SLC6A5: variants seen among roughly 807,000 people sequenced by gnomAD.
SLC6A5 encodes sodium- and chloride-dependent glycine transporter 2.
SLC6A5 carries 58 observed loss-of-function variants against 90.5 expected under a neutral mutation model. The ratio of observed to expected loss-of-function variants is 0.64; its 90% CI spans 0.52 to 0.80. The LOEUF (loss-of-function observed/expected upper bound fraction) is 0.80, where lower values mean the gene tolerates loss of function less well. Among genes scored for constraint, SLC6A5 ranks in the 30% least tolerant of loss-of-function variants. The pLI, the probability that SLC6A5 is intolerant of heterozygous loss-of-function variation, is 0.00. For missense variants in SLC6A5, 1,015 were observed against 1,017.6 expected, an observed-to-expected ratio of 1.00 and a Z score of 0.03; for synonymous variants, 427 against 401.4, an observed-to-expected ratio of 1.06 and a Z score of -0.76.
chr11:20,635,078 G>A (rs1383612114), intron 10 of SLC6A5, among the ~76,000 whole-genome samples: 1 of 152,102 alleles, frequency 6.6e-6, no homozygotes, highest in Admixed American at 6.6e-5. Flanking sequence ...ACCACATGAA[G>A]TGTTCTAGAG....
rs149308421 is a variant in SLC6A5 at position 20,601,468 on chromosome 11, G to C, written c.343G>C (p.Gly115Arg). The change falls in exon 2 of 16, where the codon GGC becomes CGC. Residue 115 changes from glycine (G) to arginine (R), a missense_variant. Coordinates refer to ENST00000525748, the MANE Select transcript of SLC6A5 (RefSeq NM_004211.5). ...GCCCCCTCCCGGGAGCTCCGGGCCCGGCAACGCGCTGCACTGTAAGATCCC... is the reference window on the plus strand; with the variant it reads ...GCCCCCTCCCGGGAGCTCCGGGCCCCGCAACGCGCTGCACTGTAAGATCCC... ...ASPPPGSSGP[G>R]NALHCKIPFL... 5 of 1,611,450 alleles carry C rather than the reference G, an allele frequency of 3.1e-6. No homozygotes were observed. The highest frequency in any genetic ancestry group is 2.2e-5 in the East Asian group (1 of 44,768).
chr11:20,646,913 T>A lies in SLC6A5; in HGVS notation c.2049T>A (p.Phe683Leu). 1 of 1,612,328 alleles carries A rather than the reference T, an allele frequency of 6.2e-7. No homozygotes were observed. ...PNIFWKVCWA[F>L]VTPTILTFIL... is the part of the protein sequence containing the mutation. Reference sequence around the variant, plus strand: ...TCTTCTGGAAAGTCTGCTGGGCATTTGTAACCCCAACCATTTTAACCGTAA... The same window carrying A: ...TCTTCTGGAAAGTCTGCTGGGCATTAGTAACCCCAACCATTTTAACCGTAA... Residue 683 changes from phenylalanine to leucine, a missense_variant, in exon 14 of 16, where the codon TTT becomes TTA. Coordinates refer to ENST00000525748, the MANE Select transcript of SLC6A5 (RefSeq NM_004211.5).
intron 8 of SLC6A5, among the ~76,000 whole-genome samples, chr11:20,627,201 G>A (rs979867947): frequency 6.6e-6 from 1 of 152,112 alleles, no homozygotes; most frequent in African/African-American, 2.4e-5. Context: ...AACCACAAGC[G>A]ATTCTATTTT....
chr11:20,601,922 C>T (rs1255411586), intron 2 of SLC6A5, among the ~76,000 whole-genome samples: 1 of 152,226 alleles, frequency 6.6e-6, no homozygotes, highest in South Asian at 2.1e-4. Flanking sequence ...AGCGGGAATA[C>T]AGGTCCAGAT....
Position 20,630,677 on chromosome 11 carries a change from T to C in SLC6A5, c.1500-14T>C. 6.2e-7 allele frequency: 1 copy of C among 1,614,168 alleles called. No homozygotes were observed. Among genetic ancestry groups the C allele is most frequent in the East Asian group, 2.2e-5 (1 of 44,888 alleles). On this transcript the variant is annotated splice_polypyrimidine_tract_variant and intron_variant, in intron 9 of 15. Transcript: ENST00000525748. ...AAGCACACCTAATGGAAAACTCTGG[T>C]CTCTTCCTTCCAGGGACACTCTAAT...
At position 20,604,452 on chromosome 11, in the gene SLC6A5, C is replaced by T. The variant is rs372042383; in HGVS notation, c.679+28C>T. On this transcript the variant is annotated intron_variant, in intron 3 of 15. Transcript: ENST00000525748. ...ATGGCTTTTCCGCTCTTTCCGCCTG[C>T]GGCGGGGCGGGGCGGGCACCTGAGG... The T allele has an allele frequency of 6.5e-5, 103 of 1,586,368 alleles. No homozygotes were observed. In the African/African-American group the frequency reaches 1.2e-3, roughly 18 times the overall value.
At chr11:20,652,502 G>A (rs1853561197) in intron 15 of SLC6A5, 46 bp downstream of exon 15, 1 of 1,552,202 alleles carries the variant, frequency 6.4e-7, no homozygotes, top group Admixed American at 1.7e-5. Flanking sequence ...CCAAGGGAAA[G>A]CCCATAAAAG....
At chr11:20,624,669 G>A (rs1261894674) in intron 7 of SLC6A5, among the ~76,000 whole-genome samples, 1 of 152,166 alleles carries the variant, frequency 6.6e-6, no homozygotes, top group Non-Finnish European at 1.5e-5. Context: ...ACTGCATGTG[G>A]AAATGGAGGT....
chr11:20,616,649 G>A (rs1393005715), intron 6 of SLC6A5, among the ~76,000 whole-genome samples: 5 of 152,180 alleles, frequency 3.3e-5, no homozygotes, highest in Non-Finnish European at 7.3e-5. Context: ...GTTTTGCCGT[G>A]GAACCAAGTT....
rs546552269 is a variant in SLC6A5, at chr11:20,617,897, A to G, written c.1260+13A>G. 1.9e-6 allele frequency: 3 copies of G among 1,608,840 alleles called. No individual in the cohort carries two copies. Among genetic ancestry groups the G allele is most frequent in the South Asian group, 2.2e-5 (2 of 91,026 alleles). Reference sequence around the variant, plus strand: ...GACTTCAGGAAAAGTAAGCACTTGGATTTATCTAAGAGAAAGCTGTGAGAC... The same window carrying G: ...GACTTCAGGAAAAGTAAGCACTTGGGTTTATCTAAGAGAAAGCTGTGAGAC... On this transcript the variant is annotated intron_variant, in intron 7 of 15. Transcript: ENST00000525748.
intron 7 of SLC6A5, among the ~76,000 whole-genome samples, chr11:20,626,393 T>C (rs998301762): frequency 1.9e-4 from 29 of 151,990 alleles, no homozygotes; most frequent in African/African-American, 6.8e-4. Context: ...CCCTCCCTCC[T>C]TCTCTCTGTG....
At chr11:20,635,641 A>G (rs1003382577) in intron 10 of SLC6A5, among the ~76,000 whole-genome samples, 7 of 152,226 alleles carry the variant, frequency 4.6e-5, no homozygotes, top group Non-Finnish European at 1.0e-4. Flanking sequence ...AAACCTGCAC[A>G]TGCACCCCAG....
intron 13 of SLC6A5, among the ~76,000 whole-genome samples, chr11:20,646,491 G>A (rs922018336): frequency 9.2e-5 from 14 of 152,186 alleles, no homozygotes; most frequent in Non-Finnish European, 1.6e-4. Flanking sequence ...TTGTCACTAA[G>A]CACCTCAGAA....
intron 2 of SLC6A5, 42 bp downstream of exon 2, chr11:20,601,707 C>A: frequency 6.3e-7 from 1 of 1,575,684 alleles, no homozygotes; most frequent in South Asian, 1.1e-5. Flanking sequence ...TCCTGCTCTC[C>A]AGCTGCGCGA....
chr11:20,628,493 A>G (rs1472068337), intron 9 of SLC6A5, among the ~76,000 whole-genome samples: 4 of 152,206 alleles, frequency 2.6e-5, no homozygotes, highest in Non-Finnish European at 4.4e-5. Context: ...TATCAGTCAC[A>G]TTGGATCAGG....
chr11:20,648,693 G>T (rs2133821223), intron 14 of SLC6A5, among the ~76,000 whole-genome samples: 1 of 152,268 alleles, frequency 6.6e-6, no homozygotes, highest in Admixed American at 6.5e-5. Flanking sequence ...GTTTATGCTT[G>T]ATTAAAATCA....
At chr11:20,629,063 T>C (rs1245090735) in intron 9 of SLC6A5, 1 of 152,070 alleles carries the variant, frequency 6.6e-6, no homozygotes, top group Non-Finnish European at 1.5e-5. Context: ...CTCAAGGTCA[T>C]GCCACTAAAA....
At chr11:20,600,808 C>A (rs1021529781) in intron 1 of SLC6A5, among the ~76,000 whole-genome samples, 2 of 152,172 alleles carry the variant, frequency 1.3e-5, no homozygotes, top group Non-Finnish European at 2.9e-5. Context: ...GATGTGGAAT[C>A]CAAAGAGGGA....
intron 5 of SLC6A5, among the ~76,000 whole-genome samples, chr11:20,608,954 CTCTCTGTGTGTGTGTGTG>C (rs1565273636): frequency 9.2e-6 from 1 of 109,024 alleles, no homozygotes; most frequent in African/African-American, 3.4e-5. Flanking sequence ...CTCTCTCTCT[CTCTCTGTGTGTGTGTGTG>C]TGTGTGTGTG....
Sources: gnomAD v4.1 joint callset for allele counts (sites outside exome capture counted in the v4.1 genomes callset) on GRCh38, gnomAD v4.1.1 for gene constraint, MANE v1.5 for transcripts, NCBI Gene and HGNC (gene_info 2026-07-23, HGNC 2026-07-21) for gene names.